PRDM2: variants seen among roughly 807,000 people sequenced by gnomAD.
The protein encoded by PRDM2 is PR/SET domain 2, also known as PR domain zinc finger protein 2.
A neutral mutation model predicts 130.0 loss-of-function variants in PRDM2; 30 were observed. The ratio of observed to expected loss-of-function variants is 0.23; its 90% CI spans 0.17 to 0.31. The LOEUF (loss-of-function observed/expected upper bound fraction) is 0.31, where lower values mean the gene tolerates loss of function less well. Among genes scored for constraint, PRDM2 ranks in the 10% least tolerant of loss-of-function variants. PRDM2 has a pLI of 1.00. For synonymous variants in PRDM2, 871 were observed against 782.4 expected (o/e 1.11, Z -1.89); for missense variants, 2,011 against 2,108.4 (o/e 0.95, Z 0.90).
intron 8 of PRDM2, among the ~76,000 whole-genome samples, chr1:13,802,129 A>T (rs910395933): frequency 1.3e-5 from 2 of 152,094 alleles, no homozygotes; most frequent in Non-Finnish European, 2.9e-5. Flanking sequence ...TCAACCCCGG[A>T]CCCTGGGCAC....
At chr1:13,796,863 G>A (rs139402621) in intron 8 of PRDM2, among the ~76,000 whole-genome samples, 15 of 152,328 alleles carry the variant, frequency 9.8e-5, no homozygotes, top group South Asian at 2.1e-4. Flanking sequence ...ATAACACACC[G>A]TATAATGGAC....
chr1:13,718,805 A>G (rs1290461218), intron 2 of PRDM2, among the ~76,000 whole-genome samples: 1 of 152,022 alleles, frequency 6.6e-6, no homozygotes, highest in Non-Finnish European at 1.5e-5. Flanking sequence ...TACTTGCTTC[A>G]TTAACGTTCC....
At chr1:13,754,711 G>T (rs144142155) in intron 6 of PRDM2, among the ~76,000 whole-genome samples, 180 of 152,372 alleles carry the variant, frequency 1.2e-3, no homozygotes, top group Middle Eastern at 6.8e-3. Flanking sequence ...AGGCCTGGCT[G>T]TGGTGTCTGA....
intron 8 of PRDM2, among the ~76,000 whole-genome samples, chr1:13,815,872 C>T (rs1383612805): frequency 2.0e-5 from 3 of 152,166 alleles, no homozygotes; most frequent in African/African-American, 7.2e-5. Context: ...GTGCTTGGCA[C>T]AGGATAGATG....
intron 2 of PRDM2, chr1:13,722,888 G>T (rs74557977): frequency 0.032 from 16,147 of 511,700 alleles, 646 homozygotes; most frequent in South Asian, 0.12. Flanking sequence ...AAGACAAAAG[G>T]TTCAGAGAAG....
intron 6 of PRDM2, among the ~76,000 whole-genome samples, chr1:13,765,272 T>C (rs1307813728): frequency 6.6e-6 from 1 of 152,250 alleles, no homozygotes; most frequent in Non-Finnish European, 1.5e-5. Context: ...CATTAAAGCA[T>C]ACATTAAGAA....
intron 8 of PRDM2, among the ~76,000 whole-genome samples, chr1:13,809,472 GCA>G (rs1645137551): frequency 6.6e-6 from 1 of 152,184 alleles, no homozygotes; most frequent in African/African-American, 2.4e-5. Context: ...GGCTTTCAGG[GCA>G]CAAATGCAGT....
At chr1:13,714,430 A>G (rs1346368275) in intron 1 of PRDM2, among the ~76,000 whole-genome samples, 4 of 152,054 alleles carry the variant, frequency 2.6e-5, no homozygotes, top group Non-Finnish European at 4.4e-5. Context: ...ATCTCATGGA[A>G]TACATCCTTA....
At chr1:13,808,273 C>T (rs534397121) in intron 8 of PRDM2, among the ~76,000 whole-genome samples, 52 of 152,140 alleles carry the variant, frequency 3.4e-4, no homozygotes, top group Admixed American at 1.8e-3. Flanking sequence ...GGGCGGATCA[C>T]GAGGTCAGGA....
rs1474708826 is a variant in PRDM2 at position 13,824,118 on chromosome 1, G to A, written c.*983G>A. 1.3e-5 allele frequency: 2 copies of A among 152,684 alleles called. No homozygotes were observed. Among genetic ancestry groups the A allele is most frequent in the Non-Finnish European group, 2.9e-5 (2 of 68,036 alleles). The allele number at this position is 152,684 out of a possible 1,614,324, so 9.5% of individuals were successfully genotyped here. A position where few individuals can be genotyped will look rare whatever the true frequency, so the allele number is the denominator to read the frequency against. On this transcript the variant is annotated 3_prime_UTR_variant, in exon 10 of 10. Transcript: ENST00000311066. Reference sequence around the variant, plus strand: ...CGGGGCTGACTCCTGCTCTCTGGAGGACGGTCAGTCCATGTCTCGGAGAAA... The same window carrying A: ...CGGGGCTGACTCCTGCTCTCTGGAGAACGGTCAGTCCATGTCTCGGAGAAA...
chr1:13,822,734 G>T (rs1311114904), intron 9 of PRDM2, among the ~76,000 whole-genome samples: 2 of 152,086 alleles, frequency 1.3e-5, no homozygotes, highest in African/African-American at 2.4e-5. Context: ...TAACAACAAG[G>T]TTGAAAACAT....
intron 8 of PRDM2, among the ~76,000 whole-genome samples, chr1:13,809,964 G>A (rs1291833212): frequency 1.3e-5 from 2 of 152,214 alleles, no homozygotes; most frequent in East Asian, 3.9e-4. Context: ...TTCTGTCTGT[G>A]TCCTCACATG....
intron 1 of PRDM2, among the ~76,000 whole-genome samples, chr1:13,715,040 C>T (rs1372469589): frequency 6.6e-6 from 1 of 152,196 alleles, no homozygotes; most frequent in Non-Finnish European, 1.5e-5. Flanking sequence ...TTGCATTTTA[C>T]TGCCAGTTTT....
chr1:13,716,217 G>A (rs1286656391), intron 2 of PRDM2, among the ~76,000 whole-genome samples: 5 of 149,866 alleles, frequency 3.3e-5, no homozygotes, highest in African/African-American at 7.3e-5. Context: ...ACCAAACACC[G>A]CATATTCTTA....
At chr1:13,765,049 A>G (rs1644191040) in intron 6 of PRDM2, among the ~76,000 whole-genome samples, 1 of 152,224 alleles carries the variant, frequency 6.6e-6, no homozygotes, top group African/African-American at 2.4e-5. Context: ...ACTACTTCAG[A>G]TCTATGGGGC....
chr1:13,700,865 T>C (rs1170176163), intron 1 of PRDM2, among the ~76,000 whole-genome samples: 1 of 152,016 alleles, frequency 6.6e-6, no homozygotes, highest in African/African-American at 2.4e-5. Flanking sequence ...CGGGTGTATG[T>C]GTGTGTGTGC....
At chr1:13,712,053 CAAAAAAAA>C (rs5772549) in intron 1 of PRDM2, among the ~76,000 whole-genome samples, 3 of 83,888 alleles carry the variant, frequency 3.6e-5, no homozygotes, top group Non-Finnish European at 5.1e-5. Context: ...CATCTCTACC[CAAAAAAAA>C]AAAAAAAAAA....
intron 6 of PRDM2, chr1:13,769,178 G>T: frequency 1.0e-6 from 1 of 984,280 alleles, no homozygotes; most frequent in Non-Finnish European, 1.2e-6. Flanking sequence ...CCGATGGTAA[G>T]TGCACTTGTG....
chr1:13,770,262 T>G, intron 6 of PRDM2: 1 of 450,806 alleles, frequency 2.2e-6, no homozygotes, highest in Admixed American at 2.5e-5. Flanking sequence ...ACATTTGACA[T>G]TTAGTATCAG....
Sources: gnomAD v4.1 joint callset for allele counts (sites outside exome capture counted in the v4.1 genomes callset) on GRCh38, gnomAD v4.1.1 for gene constraint, MANE v1.5 for transcripts, NCBI Gene and HGNC (gene_info 2026-07-23, HGNC 2026-07-21) for gene names.